Variants in TMEM154 observed in about 807,000 individuals in gnomAD.
The protein encoded by TMEM154 is transmembrane protein 154.
In TMEM154, 27 loss-of-function variants were observed where a neutral mutation model predicts 24.5. The ratio of observed to expected loss-of-function variants is 1.10; its 90% CI spans 0.81 to 1.52. TMEM154 has a LOEUF of 1.52. Among genes scored for constraint, TMEM154 ranks in the 40% most tolerant of loss-of-function variants. The pLI is 0.00. For missense variants in TMEM154, 228 were observed against 213.4 expected, an observed-to-expected ratio of 1.07 and a Z score of -0.43; for synonymous variants, 67 against 76.8, an observed-to-expected ratio of 0.87 and a Z score of 0.67.
Position 152,679,970 on chromosome 4 carries a change from G to A in TMEM154, c.-37C>T. ...TCGGCAGAGGCGCGCTCAGGATGCT[G>A]CGCCGGGCTGCAGCCTCTCTGAAAC... is the stretch of plus-strand genomic sequence containing the variant. On this transcript the variant is annotated 5_prime_UTR_variant, in exon 1 of 7. Coordinates refer to ENST00000304385, the MANE Select transcript of TMEM154 (RefSeq NM_152680.3). 6.4e-7 allele frequency: 1 copy of A among 1,574,042 alleles called. No individual in the cohort carries two copies. The highest frequency in any genetic ancestry group is 8.7e-7 in the Non-Finnish European group (1 of 1,155,092).
chr4:152,637,343 C>T (rs370371035), intron 6 of TMEM154, among the ~76,000 whole-genome samples: 245 of 152,188 alleles, frequency 1.6e-3, no homozygotes, highest in African/African-American at 5.8e-3. Context: ...GTCAGGAGTT[C>T]AAGGCCAGCC....
At chr4:152,637,501 C>T (rs1273741148) in intron 6 of TMEM154, among the ~76,000 whole-genome samples, 1 of 151,968 alleles carries the variant, frequency 6.6e-6, no homozygotes, top group African/African-American at 2.4e-5. Flanking sequence ...GCCAAGATTG[C>T]ACCATTGCAC....
chr4:152,630,479 G>A (rs1311648225), intron 6 of TMEM154, among the ~76,000 whole-genome samples: 1 of 152,092 alleles, frequency 6.6e-6, no homozygotes, highest in Non-Finnish European at 1.5e-5. Flanking sequence ...CTTAGAAATT[G>A]GGTGGTAGTA....
intron 6 of TMEM154, among the ~76,000 whole-genome samples, chr4:152,638,445 G>A (rs1752190556): frequency 6.6e-6 from 1 of 152,152 alleles, no homozygotes; most frequent in East Asian, 1.9e-4. Flanking sequence ...GGAACACAGG[G>A]ACAAAAATAA....
At chr4:152,663,847 C>T (rs950381827) in intron 1 of TMEM154, among the ~76,000 whole-genome samples, 5 of 152,208 alleles carry the variant, frequency 3.3e-5, no homozygotes, top group Non-Finnish European at 5.9e-5. Context: ...ACAATATTCA[C>T]GCAGACACAT....
chr4:152,650,492 CTTG>C (rs1043767792), intron 3 of TMEM154, among the ~76,000 whole-genome samples: 5 of 152,178 alleles, frequency 3.3e-5, no homozygotes, highest in African/African-American at 1.2e-4. Context: ...TCCTAGTTCT[CTTG>C]TTCTTTCTAC....
rs1417525313 is a variant in TMEM154 at position 152,661,286 on chromosome 4, C to CTCTT, written c.65-8360_65-8359insAAGA. On this transcript the variant is annotated intron_variant, in intron 1 of 6. Transcript: ENST00000304385. Reference sequence around the variant, plus strand: ...TGAGAATCAAGGGATTGTTCTCTTTCTCTCTCTCTCTCTCTCTCTCTCTCT... The same window carrying CTCTT: ...TGAGAATCAAGGGATTGTTCTCTTTCTCTTTCTCTCTCTCTCTCTCTCTCTCTCT... 1.9e-3 allele frequency among the ~76,000 whole-genome samples: 50 copies of CTCTT among 25,816 alleles called. 1 individual carries two copies. The highest frequency in any genetic ancestry group is 6.7e-3 in the African/African-American group (47 of 7,032). The allele number at this position is 25,816 out of a possible 152,430, so 16.9% of individuals were successfully genotyped here. A position where few individuals can be genotyped will look rare whatever the true frequency, so the allele number is the denominator to read the frequency against.
chr4:152,631,702 G>T (rs1362581801), intron 6 of TMEM154, among the ~76,000 whole-genome samples: 1 of 151,318 alleles, frequency 6.6e-6, no homozygotes, highest in East Asian at 1.9e-4. Context: ...AAGTGCTGGG[G>T]TTACAGGTGT....
At position 152,627,756 on chromosome 4, in the gene TMEM154, A is replaced by G. The variant is rs1045093550; in HGVS notation, c.*790T>C. The G allele has an allele frequency of 6.6e-6, 1 of 152,230 alleles. No homozygotes were observed. Among genetic ancestry groups the G allele is most frequent in the African/African-American group, 2.4e-5 (1 of 41,458 alleles). 9.4% of individuals were successfully genotyped at this position (152,230 alleles called of 1,614,324 possible). Reference sequence around the variant, plus strand: ...TACTTCCTACCTACATGTCACATCCAAGGGAGGTATGGTGAAACAAGTGTG... The same window carrying G: ...TACTTCCTACCTACATGTCACATCCGAGGGAGGTATGGTGAAACAAGTGTG... On this transcript the variant is annotated 3_prime_UTR_variant, in exon 7 of 7. Transcript: ENST00000304385.
At chr4:152,672,088 T>C (rs2149790958) in intron 1 of TMEM154, among the ~76,000 whole-genome samples, 1 of 45,542 alleles carries the variant, frequency 2.2e-5, no homozygotes, top group Admixed American at 3.0e-4. Flanking sequence ...ACCCTATCTC[T>C]ATAAAAAAAA....
At chr4:152,676,540 T>C (rs1230228745) in intron 1 of TMEM154, among the ~76,000 whole-genome samples, 3 of 152,230 alleles carry the variant, frequency 2.0e-5, no homozygotes, top group Non-Finnish European at 2.9e-5. Context: ...GCCCACCTTA[T>C]AAGGTTGTTC....
chr4:152,660,373 C>T (rs1728577466), intron 1 of TMEM154, among the ~76,000 whole-genome samples: 4 of 148,568 alleles, frequency 2.7e-5, no homozygotes, highest in Admixed American at 2.7e-4. Context: ...GTATCCAGAC[C>T]CCGCCCCCCC....
intron 3 of TMEM154, 70 bp from the exon 4 acceptor site, chr4:152,644,512 G>C: frequency 1.4e-6 from 2 of 1,467,960 alleles, no homozygotes; most frequent in Non-Finnish European, 1.9e-6. Context: ...TTCAACAACA[G>C]CTGAAGTCTC....
intron 1 of TMEM154, among the ~76,000 whole-genome samples, chr4:152,673,442 A>G (rs2070690907): frequency 6.6e-6 from 1 of 152,192 alleles, no homozygotes; most frequent in Non-Finnish European, 1.5e-5. Context: ...CTGGGACTAC[A>G]GGCATGCGCC....
intron 6 of TMEM154, among the ~76,000 whole-genome samples, chr4:152,632,848 C>A (rs993965419): frequency 6.6e-6 from 1 of 152,140 alleles, no homozygotes; most frequent in Non-Finnish European, 1.5e-5. Context: ...CCTTTCTTAG[C>A]CGGAGTTTCT....
chr4:152,665,766 T>C (rs1037876058), intron 1 of TMEM154, among the ~76,000 whole-genome samples: 1 of 149,766 alleles, frequency 6.7e-6, no homozygotes, highest in Non-Finnish European at 1.5e-5. Flanking sequence ...GTAATAGGTC[T>C]GGGAGGGGGC....
chr4:152,644,328 G>T, intron 4 of TMEM154, 87 bp downstream of exon 4: 1 of 1,486,320 alleles, frequency 6.7e-7, no homozygotes, highest in Non-Finnish European at 9.4e-7. Context: ...CAAGATGTCA[G>T]AACAAAAACA....
In TMEM154 at chr4:152,622,851, CTT is replaced by C. The variant is rs1208241388; in HGVS notation, c.*5693_*5694del. 2.0e-5 allele frequency: 3 copies of C among 152,046 alleles called. No homozygotes were observed. Among genetic ancestry groups the C allele is most frequent in the African/African-American group, 7.2e-5 (3 of 41,398 alleles). 9.4% of individuals were successfully genotyped at this position (152,046 alleles called of 1,614,324 possible). ...CAATGGGACCATTTCTTTTTCTTTT[CTT>C]TGAGACAGAATCTTGCTCTGTCACC... On this transcript the variant is annotated 3_prime_UTR_variant, in exon 7 of 7. Transcript: ENST00000304385.
At chr4:152,654,196 T>G (rs1290888649) in intron 1 of TMEM154, among the ~76,000 whole-genome samples, 1 of 152,244 alleles carries the variant, frequency 6.6e-6, no homozygotes, top group Non-Finnish European at 1.5e-5. Context: ...TATCGTATAA[T>G]GTTGTCTACC....
Sources: allele counts gnomAD v4.1 joint callset (sites outside exome capture counted in the v4.1 genomes callset), GRCh38; gene constraint gnomAD v4.1.1; transcripts MANE v1.5; gene names NCBI Gene and HGNC (gene_info 2026-07-23, HGNC 2026-07-21).